The following PCNX2 variants were observed in gnomAD, a reference collection of about 807,000 sequenced individuals.
PCNX2 encodes the protein pecanex-like protein 2.
A neutral mutation model predicts 223.8 loss-of-function variants in PCNX2; 168 were observed. That is an observed-to-expected ratio of 0.75 (90% CI 0.66 to 0.85). The LOEUF is 0.85. Among genes scored for constraint, PCNX2 ranks in the 40% least tolerant of loss-of-function variants. PCNX2 has a pLI of 0.00. For missense variants in PCNX2, 2,507 were observed against 2,675.5 expected, an observed-to-expected ratio of 0.94 and a Z score of 1.39; for synonymous variants, 1,006 against 1,052.6, an observed-to-expected ratio of 0.96 and a Z score of 0.86.
intron 15 of PCNX2, among the ~76,000 whole-genome samples, chr1:233,195,491 C>T (rs544946851): frequency 6.6e-6 from 1 of 152,252 alleles, no homozygotes; most frequent in East Asian, 1.9e-4. Context: ...CAAAGGCATA[C>T]AGGCTGGAAA....
chr1:233,101,793 T>C (rs948896921), intron 21 of PCNX2, among the ~76,000 whole-genome samples: 7 of 152,160 alleles, frequency 4.6e-5, no homozygotes, highest in Non-Finnish European at 8.8e-5. Flanking sequence ...AGCTGAGGAA[T>C]TGGGTTTTAG....
chr1:233,311,908 C>T, the PCNX2 span, among the ~76,000 whole-genome samples: 1 of 152,064 alleles, frequency 6.6e-6, no homozygotes, highest in South Asian at 2.1e-4. Flanking sequence ...TCACCTGAGG[C>T]CTGAGGTCAG....
chr1:233,116,124 GTGAAGC>G (rs1346089011), intron 21 of PCNX2, among the ~76,000 whole-genome samples: 3 of 151,768 alleles, frequency 2.0e-5, no homozygotes, highest in Non-Finnish European at 4.4e-5. Flanking sequence ...TGCAAAATAT[GTGAAGC>G]AGGAACTGAT....
chr1:233,106,679 C>T (rs1674806486), intron 21 of PCNX2, among the ~76,000 whole-genome samples: 1 of 152,088 alleles, frequency 6.6e-6, no homozygotes, highest in African/African-American at 2.4e-5. Flanking sequence ...CGAATCCTGC[C>T]CTTGGGAAAT....
chr1:233,222,979 A>C (rs1657479778), intron 10 of PCNX2, among the ~76,000 whole-genome samples: 1 of 152,200 alleles, frequency 6.6e-6, no homozygotes, highest in Non-Finnish European at 1.5e-5. Flanking sequence ...TGGCATATTA[A>C]AAGCCATGAG....
chr1:233,118,556 T>C (rs1675565283), intron 21 of PCNX2, among the ~76,000 whole-genome samples: 1 of 149,978 alleles, frequency 6.7e-6, no homozygotes, highest in East Asian at 1.9e-4. Context: ...AAAAATCTAT[T>C]GTATCTCTAT....
intron 21 of PCNX2, 130 bp downstream of exon 21, chr1:233,134,883 A>C: frequency 1.3e-6 from 1 of 769,340 alleles, no homozygotes; most frequent in Non-Finnish European, 2.1e-6. Flanking sequence ...AGTTTAACAT[A>C]CATGTATAAT....
At chr1:233,198,791 A>G in intron 15 of PCNX2, 148 bp downstream of exon 15, 5 of 793,578 alleles carry the variant, frequency 6.3e-6, no homozygotes, top group Non-Finnish European at 1.0e-5. Context: ...TTCTAACACT[A>G]CTGAGGCCTC....
chr1:233,250,036 C>T (rs572388229), intron 8 of PCNX2, among the ~76,000 whole-genome samples: 2 of 152,290 alleles, frequency 1.3e-5, no homozygotes, highest in African/African-American at 2.4e-5. Context: ...GGAAAGTCTC[C>T]CATAAATCCT....
intron 5 of PCNX2, among the ~76,000 whole-genome samples, chr1:233,254,324 C>G (rs1339253476): frequency 6.6e-6 from 1 of 152,146 alleles, no homozygotes; most frequent in Non-Finnish European, 1.5e-5. Flanking sequence ...TAAGAAAGTG[C>G]TATCATAACA....
At chr1:233,246,695 G>A (rs1289552078) in intron 8 of PCNX2, among the ~76,000 whole-genome samples, 2 of 152,110 alleles carry the variant, frequency 1.3e-5, no homozygotes, top group Admixed American at 1.3e-4. Flanking sequence ...AAGCTACTTG[G>A]TCCTTCCATG....
chr1:233,095,637 C>A, intron 22 of PCNX2, 118 bp downstream of exon 22: 1 of 926,294 alleles, frequency 1.1e-6, no homozygotes, highest in Non-Finnish European at 1.7e-6. Flanking sequence ...TTCATGTCCC[C>A]ATTAAAATGT....
chr1:233,088,289 T>C (rs557072015), intron 23 of PCNX2, among the ~76,000 whole-genome samples: 11 of 152,288 alleles, frequency 7.2e-5, no homozygotes, highest in African/African-American at 2.6e-4. Flanking sequence ...ATTCCCTATC[T>C]GAGAATAGGA....
rs1022357776 is a variant in PCNX2, at chr1:232,990,298, C to A, written c.5792-3758G>T. 1.9e-4 allele frequency among the ~76,000 whole-genome samples: 29 copies of A among 152,186 alleles called. No individual in the cohort carries two copies. Among genetic ancestry groups the A allele is most frequent in the Admixed American group, 5.2e-4 (8 of 15,280 alleles). ...CTCTCCTTGGAACCTGGGCTACCTGCACACTGGGTCTCAGGTGCAGTGTCT... is the reference window on the plus strand; with the variant it reads ...CTCTCCTTGGAACCTGGGCTACCTGAACACTGGGTCTCAGGTGCAGTGTCT... On this transcript the variant is annotated intron_variant, in intron 32 of 33. Coordinates refer to ENST00000258229, the MANE Select transcript of PCNX2 (RefSeq NM_014801.4). This position sits in a 1 kb window ranked among gnomAD's most constrained non-coding sequence, Gnocchi z 4.3.
At chr1:233,268,057 G>A (rs11583168) in intron 1 of PCNX2, among the ~76,000 whole-genome samples, 15,081 of 152,022 alleles carry the variant, frequency 0.099, 917 homozygotes, top group South Asian at 0.19. Context: ...GACTACAGGC[G>A]CGCACCACCA....
At chr1:233,130,527 C>G (rs1676429328) in intron 21 of PCNX2, among the ~76,000 whole-genome samples, 1 of 150,068 alleles carries the variant, frequency 6.7e-6, no homozygotes, top group Non-Finnish European at 1.5e-5. Flanking sequence ...CCTTGTTGCC[C>G]AGGCTGGAGT....
chr1:233,276,975 G>C (rs1263938528), intron 1 of PCNX2, among the ~76,000 whole-genome samples: 2 of 152,252 alleles, frequency 1.3e-5, no homozygotes, highest in African/African-American at 2.4e-5. Flanking sequence ...ACCTAGACTA[G>C]AGTGTCAGGG....
chr1:233,239,266 C>T (rs1200044137), intron 8 of PCNX2, among the ~76,000 whole-genome samples: 2 of 152,126 alleles, frequency 1.3e-5, no homozygotes, highest in Non-Finnish European at 2.9e-5. Flanking sequence ...CTGAAATAAA[C>T]TAAGAATTGA....
intron 5 of PCNX2, among the ~76,000 whole-genome samples, chr1:233,256,880 G>C (rs1001764131): frequency 6.6e-6 from 1 of 152,188 alleles, no homozygotes; most frequent in African/African-American, 2.4e-5. Context: ...GGAGCTCCTG[G>C]CTGTCCAGAA....
Sources: gnomAD v4.1 joint callset for allele counts (sites outside exome capture counted in the v4.1 genomes callset) on GRCh38, gnomAD v4.1.1 for gene constraint, Gnocchi (gnomAD v3.1) non-coding constraint, MANE v1.5 for transcripts, NCBI Gene and HGNC (gene_info 2026-07-23, HGNC 2026-07-21) for gene names.